The following CTDP1 variants were observed in gnomAD, a reference collection of about 807,000 sequenced individuals.
CTDP1 encodes CTD phosphatase 1.
A neutral mutation model predicts 91.8 loss-of-function variants in CTDP1; 47 were observed. That is an observed-to-expected ratio of 0.51 (90% CI 0.41 to 0.65). The LOEUF (loss-of-function observed/expected upper bound fraction) is 0.65, where lower values mean the gene tolerates loss of function less well. Among genes scored for constraint, CTDP1 ranks in the 30% least tolerant of loss-of-function variants. CTDP1 has a pLI of 0.00. For synonymous variants in CTDP1, 656 were observed against 598.5 expected (o/e 1.10, Z -1.40); for missense variants, 1,272 against 1,373.7 (o/e 0.93, Z 1.17).
Position 79,746,980 on chromosome 18 carries a change from G to A in CTDP1, c.2748-6672G>A, listed in dbSNP as rs550213602. On this transcript the variant is annotated intron_variant, in intron 12 of 12. Transcript: ENST00000613122. ...GTGGTCCTTGGTGCACAGGGCTAAA[G>A]GCTCCTGGTCGCGTGACTTGACCGT... 4.0e-3 allele frequency among the ~76,000 whole-genome samples: 613 copies of A among 152,312 alleles called. 8 individuals are homozygous for A. The highest frequency in any genetic ancestry group is 5.5e-3 in the Non-Finnish European group (371 of 68,020).
chr18:79,722,301 G>A (rs1453455655), intron 10 of CTDP1, among the ~76,000 whole-genome samples: 1 of 152,208 alleles, frequency 6.6e-6, no homozygotes, highest in East Asian at 1.9e-4. Flanking sequence ...TATAATTTAC[G>A]TGAACAGCAG....
rs1044359602 is a variant in CTDP1 at position 79,681,969 on chromosome 18, G to A, written c.314+1708G>A. On this transcript the variant is annotated intron_variant, in intron 1 of 12. Coordinates refer to ENST00000613122, the MANE Select transcript of CTDP1 (RefSeq NM_004715.5). Reference sequence around the variant, plus strand: ...GTGGTGGTGTGACGTCAGCATTTCCGGAGGTGTTCCTGCCCGTGCAGTGGG... The same window carrying A: ...GTGGTGGTGTGACGTCAGCATTTCCAGAGGTGTTCCTGCCCGTGCAGTGGG... 7.2e-5 allele frequency among the ~76,000 whole-genome samples: 11 copies of A among 152,252 alleles called. No homozygotes were observed. The South Asian group carries it at 1.2e-3, about 17-fold the overall frequency.
At chr18:79,696,155 A>T in intron 3 of CTDP1, 85 bp downstream of exon 3, 1 of 1,190,238 alleles carries the variant, frequency 8.4e-7, no homozygotes, top group Non-Finnish European at 1.2e-6. Flanking sequence ...CTGCAGAAGC[A>T]CGGACGTGTG....
At position 79,753,988 on chromosome 18, in the gene CTDP1, G is replaced by A; in HGVS notation, c.*198G>A. 1.3e-6 allele frequency: 1 copy of A among 760,596 alleles called. No homozygotes were observed. The highest frequency in any genetic ancestry group is 2.1e-6 in the Non-Finnish European group (1 of 480,970). The allele number at this position is 760,596 out of a possible 1,614,324, so 47.1% of individuals were successfully genotyped here. On this transcript the variant is annotated 3_prime_UTR_variant, in exon 13 of 13. Coordinates refer to ENST00000613122, the MANE Select transcript of CTDP1 (RefSeq NM_004715.5). ...TTTTACTACAGGAATGTCTACTTTT[G>A]TAAGTGACAGGTGTTAAAGGCCCAG...
rs1349015764 is a variant in CTDP1 at position 79,717,581 on chromosome 18, G to A, written c.2115G>A (p.Val705=). ...CACAGGAGTGCGGACACCTGCACGT[G>A]GTCAACCCTGACTGGCTGTGGAGCT... ...LQAQECGHLH[V]VNPDWLWSCL... The change falls in exon 9 of 13, where the codon GTG becomes GTA. Residue 705 remains valine (V), a synonymous_variant. Coordinates refer to ENST00000613122, the MANE Select transcript of CTDP1 (RefSeq NM_004715.5). 2 of 1,613,780 alleles carry A rather than the reference G, an allele frequency of 1.2e-6. No individual in the cohort carries two copies. Among genetic ancestry groups the A allele is most frequent in the Non-Finnish European group, 1.7e-6 (2 of 1,179,976 alleles).
At chr18:79,723,795 C>G (rs948535280) in intron 10 of CTDP1, among the ~76,000 whole-genome samples, 2 of 152,184 alleles carry the variant, frequency 1.3e-5, no homozygotes, top group Non-Finnish European at 2.9e-5. Context: ...CTTCCCTGAC[C>G]CTTGGCCCTC....
chr18:79,755,245 G>A (rs1029373793), downstream of CTDP1: 2 of 152,146 alleles, frequency 1.3e-5, no homozygotes, highest in Non-Finnish European at 2.9e-5. Context: ...GTACTAACTA[G>A]GTTATTTGCA....
chr18:79,750,668 CTTTTTTT>C (rs749153854), intron 12 of CTDP1, among the ~76,000 whole-genome samples: 26 of 94,220 alleles, frequency 2.8e-4, no homozygotes, highest in Middle Eastern at 6.4e-3. Context: ...TAATTTTTTG[CTTTTTTT>C]TTTTTTTTTT....
intron 1 of CTDP1, chr18:79,681,499 G>T: frequency 1.0e-6 from 1 of 985,346 alleles, no homozygotes; most frequent in Non-Finnish European, 1.2e-6. Flanking sequence ...TACAGAAAGG[G>T]CTGCTTTGGC....
chr18:79,696,429 G>T (rs374487998), intron 3 of CTDP1, among the ~76,000 whole-genome samples: 8 of 152,282 alleles, frequency 5.3e-5, no homozygotes, highest in South Asian at 4.1e-4. Flanking sequence ...TGGAGCTCAG[G>T]AGGTGGCCGC....
Position 79,697,366 on chromosome 18 carries a change from C to T in CTDP1, c.493-494C>T, listed in dbSNP as rs558996672. ...GTTAGGAGCTCCACTCTGGGCCCCG[C>T]GTGGAGGGACACCCCGATGCGCTGT... On this transcript the variant is annotated intron_variant, in intron 3 of 12. Coordinates refer to ENST00000613122, the MANE Select transcript of CTDP1 (RefSeq NM_004715.5). Among the ~76,000 whole-genome samples, 58 of 152,310 alleles carry T rather than the reference C, an allele frequency of 3.8e-4. 1 individual carries two copies. Among genetic ancestry groups the T allele is most frequent in the African/African-American group, 5.1e-4 (21 of 41,558 alleles).
chr18:79,721,980 C>G (rs487172), intron 10 of CTDP1, among the ~76,000 whole-genome samples: 80,325 of 151,864 alleles, frequency 0.53, 21,719 homozygotes, highest in Middle Eastern at 0.68. Context: ...CGTGCCACCA[C>G]GCCTGGCTAA....
At chr18:79,753,166 G>A (rs543802356) in intron 12 of CTDP1, among the ~76,000 whole-genome samples, 25 of 152,336 alleles carry the variant, frequency 1.6e-4, no homozygotes, top group East Asian at 3.9e-4. Flanking sequence ...TAGTGGCACC[G>A]GCTGGTTATG....
intron 1 of CTDP1, among the ~76,000 whole-genome samples, chr18:79,689,337 G>A (rs769691420): frequency 1.3e-5 from 2 of 152,158 alleles, no homozygotes; most frequent in Non-Finnish European, 2.9e-5. Flanking sequence ...GAGATACTTT[G>A]TTACCACATA....
chr18:79,701,281 C>T (rs575248246), intron 4 of CTDP1, among the ~76,000 whole-genome samples: 3 of 152,134 alleles, frequency 2.0e-5, no homozygotes, highest in East Asian at 3.9e-4. Context: ...GAGGACAAGG[C>T]GGGTGGATCA....
intron 1 of CTDP1, among the ~76,000 whole-genome samples, chr18:79,690,021 C>T (rs1163330820): frequency 1.3e-5 from 2 of 152,150 alleles, no homozygotes; most frequent in Non-Finnish European, 2.9e-5. Flanking sequence ...CCAACAAATC[C>T]TGCTGCTTCT....
At chr18:79,679,750 G>GCGCACGTA (rs1157504769), upstream of CTDP1, 84 of 527,638 alleles carry the variant, frequency 1.6e-4, no homozygotes, top group East Asian at 8.1e-4. Context: ...GTATTTACAC[G>GCGCACGTA]CGCACGTACG....
intron 1 of CTDP1, among the ~76,000 whole-genome samples, chr18:79,690,976 G>A (rs1317193105): frequency 6.6e-6 from 1 of 152,236 alleles, no homozygotes; most frequent in East Asian, 1.9e-4. Flanking sequence ...CGTGCACTGG[G>A]CGCAGGTGCC....
At chr18:79,687,047 A>G (rs55636719) in intron 1 of CTDP1, among the ~76,000 whole-genome samples, 176 of 13,040 alleles carry the variant, frequency 0.013, 17 homozygotes, top group African/African-American at 0.015. Flanking sequence ...GCAGCAGTTG[A>G]CTTCTCCAGT....
Sources: allele counts gnomAD v4.1 joint callset (sites outside exome capture counted in the v4.1 genomes callset), GRCh38; gene constraint gnomAD v4.1.1; transcripts MANE v1.5; gene names NCBI Gene and HGNC (gene_info 2026-07-23, HGNC 2026-07-21).